The following SGCD variants were observed in gnomAD, a reference collection of about 807,000 sequenced individuals.
The protein encoded by SGCD is delta-sarcoglycan.
Under a neutral mutation model 36.6 loss-of-function variants are expected in SGCD, and 18 were observed. The observed-to-expected ratio is 0.49, with a 90% confidence interval of 0.34 to 0.73. The LOEUF is 0.73. Ranked by LOEUF, SGCD falls within the 30% of genes least tolerant of loss-of-function variation. SGCD has a pLI of 0.01. For missense variants in SGCD, 387 were observed against 346.7 expected, an observed-to-expected ratio of 1.12 and a Z score of -0.92; for synonymous variants, 133 against 130.6, an observed-to-expected ratio of 1.02 and a Z score of -0.12.
At chr5:155,925,477 A>G (rs980049520) in intron 1 of SGCD, among the ~76,000 whole-genome samples, 1 of 152,188 alleles carries the variant, frequency 6.6e-6, no homozygotes, top group Non-Finnish European at 1.5e-5. Context: ...TGTGGTCGTC[A>G]TCAATCCTTG....
intron 3 of SGCD, among the ~76,000 whole-genome samples, chr5:156,280,098 A>T (rs1161741174): frequency 6.6e-6 from 1 of 152,094 alleles, no homozygotes; most frequent in African/African-American, 2.4e-5. Context: ...TTCCCAAATA[A>T]GATGTTGCAT....
intron 3 of SGCD, among the ~76,000 whole-genome samples, chr5:156,443,636 G>T (rs1274309587): frequency 6.6e-6 from 1 of 152,118 alleles, no homozygotes; most frequent in Admixed American, 6.6e-5. Context: ...AAGACTCCAG[G>T]ATTAGGAGCA....
intron 3 of SGCD, among the ~76,000 whole-genome samples, chr5:156,465,362 CTT>C (rs979608068): frequency 1.9e-4 from 29 of 152,124 alleles, no homozygotes; most frequent in African/African-American, 7.0e-4. Flanking sequence ...AGGAAGAAAA[CTT>C]TTGTATCCTA....
At chr5:156,611,824 C>T (rs1761825662) in intron 6 of SGCD, among the ~76,000 whole-genome samples, 1 of 152,188 alleles carries the variant, frequency 6.6e-6, no homozygotes, top group Admixed American at 6.5e-5. Flanking sequence ...TACCTGTCTT[C>T]ATGTTCAAAA....
At position 156,656,233 on chromosome 5, in the gene SGCD, C is replaced by T. The variant is rs192107914; in HGVS notation, c.575+8697C>T. On this transcript the variant is annotated intron_variant, in intron 7 of 8. Coordinates refer to ENST00000337851, the MANE Select transcript of SGCD (RefSeq NM_000337.6). ...ATTTAAATAAAGTAATTTTTAAAAA[C>T]CCACTTGGAATGCAGAGATAAAATG... Among the ~76,000 whole-genome samples, 458 of 152,116 alleles carry T rather than the reference C, an allele frequency of 3.0e-3. 6 individuals are homozygous for T. Among genetic ancestry groups the T allele is most frequent in the Middle Eastern group, 0.01 (3 of 294 alleles).
At chr5:156,124,428 G>A (rs1410245684) in intron 3 of SGCD, among the ~76,000 whole-genome samples, 1 of 152,146 alleles carries the variant, frequency 6.6e-6, no homozygotes, top group Non-Finnish European at 1.5e-5. Flanking sequence ...GTGTCCACAG[G>A]AGACTTTGAC....
chr5:156,023,202 A>G (rs1251795106), intron 1 of SGCD, among the ~76,000 whole-genome samples: 3 of 152,338 alleles, frequency 2.0e-5, no homozygotes, highest in East Asian at 1.9e-4. Context: ...TAGGCACCCA[A>G]CAGGGTGCCT....
At position 156,767,031 on chromosome 5, in the gene SGCD, G is replaced by A. The variant is rs1376201681; in HGVS notation, c.*7641G>A. 1 of 152,120 alleles carries A rather than the reference G, an allele frequency of 6.6e-6. No individual in the cohort carries two copies. The highest frequency in any genetic ancestry group is 1.5e-5 in the Non-Finnish European group (1 of 68,028). 9.4% of individuals were successfully genotyped at this position (152,120 alleles called of 1,614,324 possible). On this transcript the variant is annotated 3_prime_UTR_variant, in exon 9 of 9. Transcript: ENST00000337851. The stretch of plus-strand genomic sequence containing the variant: ...AAAAGGATGAGCCAAAAATGAAAAA[G>A]ACTCGACTCTACAGTAAGTCAGTCA...
chr5:156,565,216 T>A (rs1390254456), intron 4 of SGCD, among the ~76,000 whole-genome samples: 1 of 152,220 alleles, frequency 6.6e-6, no homozygotes, highest in African/African-American at 2.4e-5. Flanking sequence ...AATTTGCTTA[T>A]TTGGGTTGTA....
chr5:156,421,937 C>A (rs913515371), intron 3 of SGCD, among the ~76,000 whole-genome samples: 1 of 152,008 alleles, frequency 6.6e-6, no homozygotes, highest in Non-Finnish European at 1.5e-5. Flanking sequence ...AATACAGCCT[C>A]GTATTATGCT....
At chr5:156,652,286 G>A (rs890423242) in intron 7 of SGCD, among the ~76,000 whole-genome samples, 2 of 151,840 alleles carry the variant, frequency 1.3e-5, no homozygotes, top group Admixed American at 1.3e-4. Context: ...TCTGAGACAA[G>A]CCTGGACAAC....
chr5:156,015,894 A>G (rs1221507516), intron 1 of SGCD, among the ~76,000 whole-genome samples: 1 of 144,080 alleles, frequency 6.9e-6, no homozygotes, highest in Non-Finnish European at 1.5e-5. Context: ...TATCATCCAC[A>G]TATATTTTAT....
At chr5:156,162,336 A>G (rs1408394640) in intron 3 of SGCD, among the ~76,000 whole-genome samples, 1 of 151,326 alleles carries the variant, frequency 6.6e-6, no homozygotes, top group African/African-American at 2.5e-5. Context: ...CTGAGTCTAG[A>G]AGGGAGGAGT....
intron 6 of SGCD, among the ~76,000 whole-genome samples, chr5:156,634,931 C>A (rs894791127): frequency 3.3e-5 from 5 of 152,054 alleles, no homozygotes; most frequent in African/African-American, 1.2e-4. Context: ...TATTAAATAG[C>A]GGAACTTCCT....
intron 1 of SGCD, among the ~76,000 whole-genome samples, chr5:156,022,899 C>T (rs1219143202): frequency 1.3e-5 from 2 of 152,158 alleles, no homozygotes; most frequent in Non-Finnish European, 1.5e-5. Context: ...TACTATGAAT[C>T]GCACAGAGTG....
intron 6 of SGCD, among the ~76,000 whole-genome samples, chr5:156,624,426 A>G (rs977410658): frequency 6.6e-6 from 1 of 152,040 alleles, no homozygotes; most frequent in Admixed American, 6.6e-5. Flanking sequence ...CTAAAAATAC[A>G]AAAAATTAGC....
intron 3 of SGCD, among the ~76,000 whole-genome samples, chr5:156,218,979 G>A (rs911580752): frequency 1.3e-5 from 2 of 152,138 alleles, no homozygotes; most frequent in Non-Finnish European, 2.9e-5. Flanking sequence ...TCGCTGTCCT[G>A]TCTTGTCATT....
intron 7 of SGCD, among the ~76,000 whole-genome samples, chr5:156,754,633 A>G (rs1757271441): frequency 6.6e-6 from 1 of 152,236 alleles, no homozygotes; most frequent in South Asian, 2.1e-4. Flanking sequence ...AGTCCACTAA[A>G]TTGAATTCAA....
chr5:156,454,195 C>T (rs1361233902), intron 3 of SGCD, among the ~76,000 whole-genome samples: 1 of 152,154 alleles, frequency 6.6e-6, no homozygotes, highest in Admixed American at 6.6e-5. Context: ...TGTTTCTCAA[C>T]TCCAAGATAT....
Sources: allele counts gnomAD v4.1 joint callset (sites outside exome capture counted in the v4.1 genomes callset), GRCh38; gene constraint gnomAD v4.1.1; transcripts MANE v1.5; gene names NCBI Gene and HGNC (gene_info 2026-07-23, HGNC 2026-07-21).